The following GPC5 variants were observed in gnomAD, a reference collection of about 807,000 sequenced individuals.
GPC5 encodes the protein glypican-5.
Under a neutral mutation model 53.9 loss-of-function variants are expected in GPC5, and 47 were observed. The observed-to-expected ratio is 0.87, with a 90% CI of 0.69 to 1.11. The LOEUF is 1.11. GPC5 is among the 50% of genes most tolerant of loss of function. The probability of loss-of-function intolerance (pLI) is 0.00; values close to 1 mark genes in which losing one functional copy is unlikely to be tolerated. For synonymous variants in GPC5, 286 were observed against 263.3 expected (o/e 1.09, Z -0.84); for missense variants, 748 against 713.1 (o/e 1.05, Z -0.56).
intron 2 of GPC5, among the ~76,000 whole-genome samples, chr13:91,555,216 G>A (rs1359168610): frequency 1.3e-5 from 2 of 151,990 alleles, no homozygotes; most frequent in African/African-American, 4.8e-5. Context: ...GCCAAGTGTA[G>A]GAAAACGGCC....
At chr13:92,358,234 A>T (rs574688857) in intron 7 of GPC5, among the ~76,000 whole-genome samples, 1 of 151,828 alleles carries the variant, frequency 6.6e-6, no homozygotes, top group Non-Finnish European at 1.5e-5. Context: ...GCTCCCAAAT[A>T]ATCTTTATTG....
Position 91,693,307 on chromosome 13 carries a change from G to T in GPC5, c.446G>T (p.Gly149Val), listed in dbSNP as rs750580579. The T allele has an allele frequency of 1.9e-6, 3 of 1,613,920 alleles. No individual in the cohort carries two copies. The highest frequency in any genetic ancestry group is 2.5e-6 in the Non-Finnish European group (3 of 1,180,018). ...ASVQEFFTDV[G>V]LYLFGADVNP... is the part of the protein sequence containing the mutation. ...GTTCAGGAGTTCTTCACTGATGTGGGGCTGTATTTATTTGGTGCGGATGTT... is the reference window on the plus strand; with the variant it reads ...GTTCAGGAGTTCTTCACTGATGTGGTGCTGTATTTATTTGGTGCGGATGTT... The change falls in exon 3 of 8, where the codon GGG (glycine) becomes GTG (valine). Residue 149 changes from glycine to valine, a missense_variant. Physicochemically the swap from Gly to Val is moderately radical, Grantham distance 109 (BLOSUM62 -3). Transcript: ENST00000377067.
intron 7 of GPC5, among the ~76,000 whole-genome samples, chr13:92,574,677 G>A (rs1883137451): frequency 6.6e-6 from 1 of 152,154 alleles, no homozygotes; most frequent in Non-Finnish European, 1.5e-5. Flanking sequence ...TCTTTCTTCT[G>A]AGTGGGCAGT....
intron 5 of GPC5, among the ~76,000 whole-genome samples, chr13:91,849,498 T>A (rs1170841375): frequency 1.0e-5 from 1 of 99,312 alleles, no homozygotes; most frequent in East Asian, 4.1e-4. Context: ...TATTCAGAGA[T>A]TTTTTTTTGG....
chr13:92,364,686 C>G (rs12868738), intron 7 of GPC5, among the ~76,000 whole-genome samples: 1 of 151,616 alleles, frequency 6.6e-6, no homozygotes, highest in African/African-American at 2.4e-5. Flanking sequence ...GCCTAGATCG[C>G]GCCACTGCAC....
At chr13:92,719,169 C>A (rs929227230) in intron 7 of GPC5, among the ~76,000 whole-genome samples, 2 of 148,268 alleles carry the variant, frequency 1.3e-5, no homozygotes, top group East Asian at 4.4e-4. Flanking sequence ...TTCCTATAGC[C>A]CCCCCCCACA....
chr13:91,938,494 G>A (rs761199618), intron 6 of GPC5, among the ~76,000 whole-genome samples: 1 of 152,022 alleles, frequency 6.6e-6, no homozygotes, highest in Non-Finnish European at 1.5e-5. Flanking sequence ...AGATTTGGAG[G>A]GGAAAGACAT....
chr13:92,747,034 G>T (rs1889257246), intron 7 of GPC5, among the ~76,000 whole-genome samples: 1 of 152,096 alleles, frequency 6.6e-6, no homozygotes, highest in African/African-American at 2.4e-5. Context: ...AATGGTATTT[G>T]TGTATCTAAA....
intron 7 of GPC5, among the ~76,000 whole-genome samples, chr13:92,295,649 G>T (rs12874078): frequency 0.016 from 2,489 of 152,256 alleles, 46 homozygotes; most frequent in Middle Eastern, 0.048. Flanking sequence ...AGTATTAGGT[G>T]CATATATGTT....
At chr13:91,889,390 T>C (rs1441922776) in intron 5 of GPC5, among the ~76,000 whole-genome samples, 1 of 152,234 alleles carries the variant, frequency 6.6e-6, no homozygotes, top group Non-Finnish European at 1.5e-5. Flanking sequence ...ACTAGATTAG[T>C]CTGCATATTG....
chr13:91,784,639 G>A (rs913033588), intron 5 of GPC5, among the ~76,000 whole-genome samples: 10 of 151,072 alleles, frequency 6.6e-5, no homozygotes, highest in Admixed American at 2.6e-4. Flanking sequence ...CACGAGAATC[G>A]CTTGAACCTG....
intron 7 of GPC5, among the ~76,000 whole-genome samples, chr13:92,747,871 A>G (rs761626479): frequency 1.3e-5 from 2 of 152,238 alleles, no homozygotes; most frequent in Admixed American, 6.5e-5. Flanking sequence ...CCTTTTTAGA[A>G]GCTTGTAGCT....
chr13:91,586,462 A>G (rs1247896631), intron 2 of GPC5, among the ~76,000 whole-genome samples: 2 of 123,982 alleles, frequency 1.6e-5, no homozygotes, highest in African/African-American at 2.9e-5. Flanking sequence ...GAAACTTACA[A>G]TCATGGCAGA....
At chr13:91,855,026 A>G (rs924661111) in intron 5 of GPC5, among the ~76,000 whole-genome samples, 10 of 151,818 alleles carry the variant, frequency 6.6e-5, no homozygotes, top group Non-Finnish European at 4.4e-5. Flanking sequence ...CTCGTTGCAT[A>G]TACCAATTGA....
At chr13:92,824,591 T>C (rs891955456) in intron 7 of GPC5, among the ~76,000 whole-genome samples, 4 of 151,866 alleles carry the variant, frequency 2.6e-5, no homozygotes, top group African/African-American at 9.7e-5. Context: ...GAGTAGGAAA[T>C]AAAAAGAGAT....
At chr13:91,442,762 C>G (rs939946376) in intron 1 of GPC5, among the ~76,000 whole-genome samples, 1 of 152,206 alleles carries the variant, frequency 6.6e-6, no homozygotes, top group Non-Finnish European at 1.5e-5. Context: ...ATAGGAGGCA[C>G]TTAAGGTCTG....
At chr13:92,468,228 A>C (rs1033055887) in intron 7 of GPC5, among the ~76,000 whole-genome samples, 25 of 152,108 alleles carry the variant, frequency 1.6e-4, no homozygotes, top group African/African-American at 5.1e-4. Context: ...GAAACCAGAT[A>C]ATACAAAGCT....
Position 91,399,015 on chromosome 13 carries a change from A to G in GPC5, c.-32A>G, listed in dbSNP as rs1876691184. ...AGGGCGCGCAGGGCGAGTGGGGTCC[A>G]CTGGCGGGTAAAGGGGACCAGGACG... On this transcript the variant is annotated 5_prime_UTR_variant, in exon 1 of 8. Transcript: ENST00000377067. 2 of 1,535,334 alleles carry G rather than the reference A, an allele frequency of 1.3e-6. No homozygotes were observed. Among genetic ancestry groups the G allele is most frequent in the Non-Finnish European group, 1.8e-6 (2 of 1,137,034 alleles).
intron 7 of GPC5, among the ~76,000 whole-genome samples, chr13:92,336,092 G>A (rs1322461710): frequency 1.3e-5 from 2 of 152,138 alleles, no homozygotes; most frequent in Non-Finnish European, 2.9e-5. Context: ...TTCATTGGAT[G>A]TATATAAAAA....
Sources: allele counts gnomAD v4.1 joint callset (sites outside exome capture counted in the v4.1 genomes callset), GRCh38; gene constraint gnomAD v4.1.1; transcripts MANE v1.5; gene names NCBI Gene and HGNC (gene_info 2026-07-23, HGNC 2026-07-21).